The following FLYWCH1 variants were observed in gnomAD, a reference collection of about 807,000 sequenced individuals.
FLYWCH1 encodes FLYWCH-type zinc finger 1.
Under a neutral mutation model 66.4 loss-of-function variants are expected in FLYWCH1, and 75 were observed. The ratio of observed to expected loss-of-function variants is 1.13; its 90% CI spans 0.94 to 1.37. The LOEUF (loss-of-function observed/expected upper bound fraction) is 1.37, where lower values mean the gene tolerates loss of function less well. FLYWCH1 is among the 40% of genes most tolerant of loss of function. FLYWCH1 has a pLI of 0.00. For synonymous variants in FLYWCH1, 595 were observed against 429.9 expected, an observed-to-expected ratio of 1.38 and a Z score of -4.75; for missense variants, 1,334 against 1,001.8, an observed-to-expected ratio of 1.33 and a Z score of -4.48.
chr16:2,932,552 G>A (rs975768197), intron 4 of FLYWCH1, among the ~76,000 whole-genome samples: 1 of 152,180 alleles, frequency 6.6e-6, no homozygotes, highest in African/African-American at 2.4e-5. Context: ...CGTGGCTCCT[G>A]ACACAGCCTT....
intron 8 of FLYWCH1, among the ~76,000 whole-genome samples, chr16:2,939,387 C>T (rs561122355): frequency 2.6e-5 from 4 of 152,118 alleles, no homozygotes; most frequent in Admixed American, 6.6e-5. Flanking sequence ...ACCTGGGAGG[C>T]GGAGGTTGCA....
chr16:2,925,225 G>A (rs907938809), intron 2 of FLYWCH1, among the ~76,000 whole-genome samples: 6 of 152,224 alleles, frequency 3.9e-5, no homozygotes. Flanking sequence ...TCTCAGGGAG[G>A]TGCCTCCCCA....
intron 2 of FLYWCH1, among the ~76,000 whole-genome samples, chr16:2,916,462 C>T (rs896753657): frequency 2.6e-5 from 4 of 151,982 alleles, no homozygotes; most frequent in Non-Finnish European, 5.9e-5. Flanking sequence ...GGTGAAACCC[C>T]GTCTCTACTA....
At chr16:2,947,518 T>G (rs1235768918) in intron 9 of FLYWCH1, among the ~76,000 whole-genome samples, 10 of 152,162 alleles carry the variant, frequency 6.6e-5, no homozygotes, top group East Asian at 1.9e-4. Flanking sequence ...GCCAGCACTT[T>G]GGGAGGCTGA....
chr16:2,938,468 C>A lies in FLYWCH1; in HGVS notation c.2050+12C>A. ...GCAGGAGGACCCAGGTACAGGCAGG[C>A]TGTGGGGCAGAGGCAGGGCTGTGGG... On this transcript the variant is annotated intron_variant, in intron 8 of 9. Transcript: ENST00000253928. The A allele has an allele frequency of 6.6e-7, 1 of 1,513,634 alleles. No individual in the cohort carries two copies. The highest frequency in any genetic ancestry group is 8.8e-7 in the Non-Finnish European group (1 of 1,133,352). 93.8% of individuals were successfully genotyped at this position (1,513,634 alleles called of 1,614,324 possible). A position where few individuals can be genotyped will look rare whatever the true frequency, so the allele number is the denominator to read the frequency against.
Position 2,949,927 on chromosome 16 carries a change from T to G in FLYWCH1, c.*1200T>G, listed in dbSNP as rs1265770627. On this transcript the variant is annotated 3_prime_UTR_variant, in exon 10 of 10. Transcript: ENST00000253928. ...CCAGGGGGAGACCCCTCCCCATGCC[T>G]GGGCTGTTACAGTCACCTGGCCCAG... 3 of 152,186 alleles carry G rather than the reference T, an allele frequency of 2.0e-5. No individual in the cohort carries two copies. Among genetic ancestry groups the G allele is most frequent in the African/African-American group, 7.2e-5 (3 of 41,428 alleles). The allele number at this position is 152,186 out of a possible 1,614,324, so 9.4% of individuals were successfully genotyped here. A position where few individuals can be genotyped will look rare whatever the true frequency, so the allele number is the denominator to read the frequency against.
rs755028500 is a variant in FLYWCH1, at chr16:2,933,168, G to A, written c.835G>A (p.Gly279Arg). 1.3e-5 allele frequency: 21 copies of A among 1,613,536 alleles called. No homozygotes were observed. Among genetic ancestry groups the A allele is most frequent in the Middle Eastern group, 1.6e-4 (1 of 6,080 alleles). The change falls in exon 5 of 10, where the codon GGG becomes AGG. Residue 279 changes from glycine (G) to arginine (R), a missense_variant. Coordinates refer to ENST00000253928, the MANE Select transcript of FLYWCH1 (RefSeq NM_001308068.2). ...RPLEFLRTCY[G>R]GSFLVHESFL... Reference sequence around the variant, plus strand: ...CCTCGAGTTCCTGAGGACGTGCTACGGGGGCAGCTTCCTGGTACACGAGTC... The same window carrying A: ...CCTCGAGTTCCTGAGGACGTGCTACAGGGGCAGCTTCCTGGTACACGAGTC...
At chr16:2,928,776 C>T (rs2070658640) in intron 2 of FLYWCH1, 1 of 152,408 alleles carries the variant, frequency 6.6e-6, no homozygotes, top group South Asian at 2.1e-4. Flanking sequence ...AGGCCCCCAC[C>T]CCAGCCCTGT....
chr16:2,948,706 A>G lies in FLYWCH1; in HGVS notation c.2130A>G (p.Arg710=). The G allele has an allele frequency of 6.2e-7, 1 of 1,613,914 alleles. No homozygotes were observed. The highest frequency in any genetic ancestry group is 8.5e-7 in the Non-Finnish European group (1 of 1,179,808). The change falls in exon 10 of 10, where the codon AGA becomes AGG. Residue 710 remains arginine, a synonymous_variant. Transcript: ENST00000253928. The stretch of plus-strand genomic sequence containing the variant: ...TAATTAGGGACATCAAAGACGTCAG[A>G]CTGGATGGCGAGTCCCAGTGAGGCG... ...QQIYGDIKDV[R]LDGESQ
intron 2 of FLYWCH1, among the ~76,000 whole-genome samples, chr16:2,920,197 C>T (rs1328719768): frequency 6.6e-6 from 1 of 152,020 alleles, no homozygotes; most frequent in Non-Finnish European, 1.5e-5. Flanking sequence ...CATGCCACCC[C>T]TTCTTTGATG....
intron 2 of FLYWCH1, among the ~76,000 whole-genome samples, chr16:2,917,061 C>G (rs2070194493): frequency 6.7e-6 from 1 of 150,250 alleles, no homozygotes; most frequent in African/African-American, 2.4e-5. Context: ...GAGGCTGAGG[C>G]AGGAGAATCG....
chr16:2,922,930 G>T, intron 2 of FLYWCH1: 2 of 524,472 alleles, frequency 3.8e-6, no homozygotes, highest in Admixed American at 3.9e-5. Context: ...TTCTCCTGGG[G>T]GCGCTCTTCC....
intron 9 of FLYWCH1, among the ~76,000 whole-genome samples, chr16:2,948,314 T>G (rs1044489832): frequency 2.0e-5 from 3 of 151,918 alleles, no homozygotes; most frequent in African/African-American, 4.8e-5. Flanking sequence ...ATCCCAGCAC[T>G]TTGGTAGGCG....
intron 9 of FLYWCH1, among the ~76,000 whole-genome samples, chr16:2,942,479 G>C (rs998200779): frequency 3.9e-5 from 6 of 152,028 alleles, no homozygotes; most frequent in African/African-American, 1.5e-4. Flanking sequence ...GTATCACCCT[G>C]ATATCAAAAC....
At chr16:2,914,826 G>A (rs1281262973) in intron 2 of FLYWCH1, among the ~76,000 whole-genome samples, 3 of 150,422 alleles carry the variant, frequency 2.0e-5, no homozygotes, top group Non-Finnish European at 3.0e-5. Flanking sequence ...CTTGAACCTG[G>A]TTCAAGGATT....
At chr16:2,932,570 T>G (rs1287574210) in intron 4 of FLYWCH1, among the ~76,000 whole-genome samples, 1 of 152,148 alleles carries the variant, frequency 6.6e-6, no homozygotes, top group Non-Finnish European at 1.5e-5. Context: ...CTTAAGGATC[T>G]GAGGTGGCCC....
intron 2 of FLYWCH1, among the ~76,000 whole-genome samples, chr16:2,920,964 T>C (rs1428940837): frequency 2.0e-5 from 3 of 150,686 alleles, no homozygotes; most frequent in East Asian, 4.0e-4. Context: ...GCCTCAGCCT[T>C]CCGAGTAGCT....
Position 2,938,167 on chromosome 16 carries a change from G to A in FLYWCH1, c.1778-17G>A, listed in dbSNP as rs754229355. 2.5e-6 allele frequency: 4 copies of A among 1,608,686 alleles called. No homozygotes were observed. The East Asian group carries it at 6.7e-5, about 27-fold the overall frequency. ...AGGCCCCTGTGGCCCCACTCACAGT[G>A]TCACTTTCCCTTTCAGATCCTCTCC... On this transcript the variant is annotated splice_polypyrimidine_tract_variant and intron_variant, in intron 7 of 9. Coordinates refer to ENST00000253928, the MANE Select transcript of FLYWCH1 (RefSeq NM_001308068.2).
In FLYWCH1 at chr16:2,930,699, T is replaced by C. The variant is rs1314664402; in HGVS notation, c.615T>C (p.Pro205=). The change falls in exon 4 of 10, where the codon CCT becomes CCC. Residue 205 remains proline, a synonymous_variant. Transcript: ENST00000253928. Reference sequence around the variant, plus strand: ...AGGGCTTGGGAGAGCCCCAGGGTCCTGAGGGCCCTGGAGGCCGAGTGGAGG... The same window carrying C: ...AGGGCTTGGGAGAGCCCCAGGGTCCCGAGGGCCCTGGAGGCCGAGTGGAGG... The part of the protein sequence containing the change: ...LPEGLGEPQG[P]EGPGGRVEEP... The C allele has an allele frequency of 8.4e-6, 13 of 1,544,360 alleles. No homozygotes were observed. The highest frequency in any genetic ancestry group is 1.1e-5 in the Non-Finnish European group (13 of 1,147,836).
Sources: allele counts gnomAD v4.1 joint callset (sites outside exome capture counted in the v4.1 genomes callset), GRCh38; gene constraint gnomAD v4.1.1; transcripts MANE v1.5; gene names NCBI Gene and HGNC (gene_info 2026-07-23, HGNC 2026-07-21).